PLCL2: variants seen among roughly 807,000 people sequenced by gnomAD.
The protein encoded by PLCL2 is phospholipase C like 2.
Under a neutral mutation model 79.6 loss-of-function variants are expected in PLCL2, and 4 were observed. The observed-to-expected ratio is 0.05, with a 90% CI of 0.02 to 0.11. The LOEUF (loss-of-function observed/expected upper bound fraction) is 0.11. PLCL2 is among the 10% of genes least tolerant of loss of function. The pLI, the probability that PLCL2 is intolerant of heterozygous loss-of-function variation, is 1.00. For synonymous variants in PLCL2, 484 were observed against 457.7 expected, an observed-to-expected ratio of 1.06 and a Z score of -0.73; for missense variants, 895 against 1,291.0, an observed-to-expected ratio of 0.69 and a Z score of 4.70.
intron 5 of PLCL2, among the ~76,000 whole-genome samples, chr3:17,086,294 C>A (rs4563393): frequency 0.56 from 84,939 of 152,036 alleles, 24,486 homozygotes; most frequent in African/African-American, 0.7. Flanking sequence ...AAAGCAGTTA[C>A]TCAATCTTTG....
chr3:17,083,084 G>A (rs1575622570), intron 5 of PLCL2, among the ~76,000 whole-genome samples: 1 of 152,090 alleles, frequency 6.6e-6, no homozygotes, highest in Non-Finnish European at 1.5e-5. Context: ...CCCTCGTGAA[G>A]TTTACATTTA....
chr3:16,973,250 G>C (rs2063891933), intron 1 of PLCL2, among the ~76,000 whole-genome samples: 1 of 152,034 alleles, frequency 6.6e-6, no homozygotes, highest in Non-Finnish European at 1.5e-5. Flanking sequence ...AGCTTAGTTT[G>C]GCTCTGCCAC....
At chr3:17,063,616 A>C (rs1353503234) in intron 4 of PLCL2, among the ~76,000 whole-genome samples, 1 of 151,996 alleles carries the variant, frequency 6.6e-6, no homozygotes, top group Non-Finnish European at 1.5e-5. Flanking sequence ...TGCACTATCT[A>C]GTCTCCACGT....
At chr3:17,030,987 T>TTAC (rs2064575091) in intron 3 of PLCL2, among the ~76,000 whole-genome samples, 1 of 151,932 alleles carries the variant, frequency 6.6e-6, no homozygotes, top group South Asian at 2.1e-4. Flanking sequence ...TTTAATTAAT[T>TTAC]TAGTAATAGT....
At chr3:16,928,262 C>T (rs1282750601) in intron 1 of PLCL2, among the ~76,000 whole-genome samples, 1 of 152,176 alleles carries the variant, frequency 6.6e-6, no homozygotes, top group Non-Finnish European at 1.5e-5. Flanking sequence ...TCAGAATGGG[C>T]ACTTCATTCA....
At chr3:16,970,987 G>A (rs150191769) in intron 1 of PLCL2, among the ~76,000 whole-genome samples, 4,333 of 151,942 alleles carry the variant, frequency 0.029, 240 homozygotes, top group African/African-American at 0.1. Flanking sequence ...AGTAGGTTGC[G>A]AAAATTTTCT....
chr3:17,063,014 T>C (rs2064967661), intron 4 of PLCL2, among the ~76,000 whole-genome samples: 2 of 151,834 alleles, frequency 1.3e-5, no homozygotes, highest in African/African-American at 4.8e-5. Flanking sequence ...CCACATAAGC[T>C]AAGAGCCACA....
At chr3:16,946,401 TA>T (rs1241709343) in intron 1 of PLCL2, among the ~76,000 whole-genome samples, 2 of 151,956 alleles carry the variant, frequency 1.3e-5, no homozygotes, top group East Asian at 3.8e-4. Context: ...ATGAAAGCTT[TA>T]AAAAATATTT....
At chr3:16,912,110 T>G (rs1285374536) in intron 1 of PLCL2, among the ~76,000 whole-genome samples, 5 of 152,202 alleles carry the variant, frequency 3.3e-5, no homozygotes, top group African/African-American at 9.7e-5. Flanking sequence ...GGATACTTAA[T>G]ATGTAGTAGT....
chr3:17,051,018 T>C (rs774732713), intron 4 of PLCL2, among the ~76,000 whole-genome samples: 4 of 152,278 alleles, frequency 2.6e-5, no homozygotes, highest in South Asian at 2.1e-4. Context: ...GAAGTCATTA[T>C]GTTAAGTGGA....
At chr3:17,069,941 A>G (rs2065046908) in intron 5 of PLCL2, among the ~76,000 whole-genome samples, 1 of 152,216 alleles carries the variant, frequency 6.6e-6, no homozygotes, top group Admixed American at 6.5e-5. Flanking sequence ...TTGGCTTTAC[A>G]ATTTGCTGAC....
chr3:16,975,749 G>A (rs1473798349), intron 1 of PLCL2, among the ~76,000 whole-genome samples: 1 of 152,164 alleles, frequency 6.6e-6, no homozygotes, highest in Non-Finnish European at 1.5e-5. Flanking sequence ...GATTGCATTG[G>A]GAAAAGGAAG....
rs1254310387 is a variant in PLCL2 at position 17,014,714 on chromosome 3, G to A, written c.2821G>A (p.Val941Met). 9.3e-6 allele frequency: 15 copies of A among 1,611,628 alleles called. No individual in the cohort carries two copies. The highest frequency in any genetic ancestry group is 1.2e-5 in the Non-Finnish European group (14 of 1,177,910). ...TDLRENMQNA[V>M]VSFKELCGLS... ...CTTTCATTCCATTTAACAGAATGCG[G>A]TGGTGTCATTCAAGGAGCTGTGTGG... Residue 941 changes from valine to methionine, a missense_variant, in exon 3 of 6, where the codon GTG (valine) becomes ATG (methionine). Physicochemically the swap from Val to Met is conservative, Grantham distance 21. Around this residue, in one of 6 missense-constraint regions of PLCL2, gnomAD observed 298 missense variants for 459.6 expected, o/e 0.65. Transcript: ENST00000615277.
chr3:17,072,707 A>G (rs2065072809), intron 5 of PLCL2, among the ~76,000 whole-genome samples: 1 of 151,638 alleles, frequency 6.6e-6, no homozygotes, highest in Non-Finnish European at 1.5e-5. Context: ...AGCATTCTCT[A>G]ATATTACTAG....
rs373695733 is a variant in PLCL2 at position 17,089,935 on chromosome 3, T to A, written c.*23T>A. 2.5e-6 allele frequency: 4 copies of A among 1,606,852 alleles called. No homozygotes were observed. On this transcript the variant is annotated 3_prime_UTR_variant, in exon 6 of 6. Transcript: ENST00000615277. Reference sequence around the variant, plus strand: ...TGAGGAAACTTACAATAAACCATTATGGAGTTTATAACTCTAGGACCAATT... The same window carrying A: ...TGAGGAAACTTACAATAAACCATTAAGGAGTTTATAACTCTAGGACCAATT...
chr3:17,070,462 AATGT>A (rs1220122387), intron 5 of PLCL2, among the ~76,000 whole-genome samples: 3 of 152,306 alleles, frequency 2.0e-5, no homozygotes, highest in South Asian at 2.1e-4. Flanking sequence ...TATGGAAGTA[AATGT>A]ATAGGATGGG....
rs940330368 is a variant in PLCL2 at position 16,943,871 on chromosome 3, ATAACT to A, written c.327+58509_327+58513del. 3.3e-5 allele frequency among the ~76,000 whole-genome samples: 5 copies of A among 152,210 alleles called. No homozygotes were observed. The South Asian group carries it at 6.2e-4, about 19-fold the overall frequency. Reference sequence around the variant, plus strand: ...CTTCTAGGTAGCTTGATTTGTGCAAATAACTTAATCACCCTTTGGATCCTTGCTTA... The same window carrying A: ...CTTCTAGGTAGCTTGATTTGTGCAAATAATCACCCTTTGGATCCTTGCTTA... On this transcript the variant is annotated intron_variant, in intron 1 of 5. Transcript: ENST00000615277.
At chr3:17,052,958 G>A (rs2064857602) in intron 4 of PLCL2, among the ~76,000 whole-genome samples, 1 of 152,120 alleles carries the variant, frequency 6.6e-6, no homozygotes, top group South Asian at 2.1e-4. Flanking sequence ...GCTATTATTA[G>A]TAAACTTTTT....
chr3:16,931,462 C>G (rs150789654), intron 1 of PLCL2, among the ~76,000 whole-genome samples: 9 of 152,228 alleles, frequency 5.9e-5, no homozygotes, highest in Admixed American at 5.9e-4. Flanking sequence ...ATGTTCTGTT[C>G]CTATAAAAAC....
Sources: allele counts gnomAD v4.1 joint callset (sites outside exome capture counted in the v4.1 genomes callset), GRCh38; gene constraint gnomAD v4.1.1; regional missense constraint gnomAD v4.1.1; transcripts MANE v1.5; gene names NCBI Gene and HGNC (gene_info 2026-07-23, HGNC 2026-07-21).